The following ADAMTS12 variants were observed in gnomAD, a reference collection of about 807,000 sequenced individuals.
ADAMTS12 encodes ADAM metallopeptidase with thrombospondin type 1 motif 12, also known as A disintegrin and metalloproteinase with thrombospondin motifs 12.
ADAMTS12 carries 118 observed loss-of-function variants against 167.8 expected under a neutral mutation model. The ratio of observed to expected loss-of-function variants is 0.70; its 90% CI spans 0.61 to 0.82. ADAMTS12 has a LOEUF of 0.82. Ranked by LOEUF, ADAMTS12 falls within the 40% of genes least tolerant of loss-of-function variation. The probability of loss-of-function intolerance (pLI) is 0.00; values close to 1 mark genes in which losing one functional copy is unlikely to be tolerated. For synonymous variants in ADAMTS12, 704 were observed against 716.9 expected, an observed-to-expected ratio of 0.98 and a Z score of 0.29; for missense variants, 1,916 against 1,998.8, an observed-to-expected ratio of 0.96 and a Z score of 0.79.
intron 2 of ADAMTS12, among the ~76,000 whole-genome samples, chr5:33,766,428 T>C (rs375546623): frequency 5.9e-5 from 9 of 152,276 alleles, no homozygotes; most frequent in East Asian, 5.8e-4. Context: ...TTAATTGTAA[T>C]GTGGTGGCCT....
intron 14 of ADAMTS12, among the ~76,000 whole-genome samples, chr5:33,619,414 A>G (rs989485906): frequency 1.3e-5 from 2 of 152,140 alleles, no homozygotes; most frequent in Non-Finnish European, 2.9e-5. Flanking sequence ...GCCCCACAAT[A>G]GGGCACTTTC....
chr5:33,704,978 G>GT (rs929426019), intron 3 of ADAMTS12, among the ~76,000 whole-genome samples: 4 of 151,458 alleles, frequency 2.6e-5, no homozygotes, highest in East Asian at 1.9e-4. Context: ...AATCTTGAGG[G>GT]TTTTTTTGTA....
intron 2 of ADAMTS12, among the ~76,000 whole-genome samples, chr5:33,824,748 C>A (rs565205334): frequency 2.0e-5 from 3 of 152,278 alleles, no homozygotes; most frequent in Admixed American, 6.5e-5. Context: ...CTTCCCATTT[C>A]CTCTTTCTGG....
At chr5:33,536,527 G>T (rs1205083051) in intron 22 of ADAMTS12, among the ~76,000 whole-genome samples, 1 of 152,150 alleles carries the variant, frequency 6.6e-6, no homozygotes, top group Non-Finnish European at 1.5e-5. Context: ...TGCCTATTTA[G>T]TGGAGTTTTG....
chr5:33,538,340 C>T (rs1208770651), intron 22 of ADAMTS12, among the ~76,000 whole-genome samples: 2 of 152,054 alleles, frequency 1.3e-5, no homozygotes, highest in African/African-American at 2.4e-5. Flanking sequence ...GGGGAAACTG[C>T]CCCCCATGAT....
At chr5:33,667,821 T>A (rs371720622) in intron 5 of ADAMTS12, among the ~76,000 whole-genome samples, 3 of 152,206 alleles carry the variant, frequency 2.0e-5, no homozygotes, top group South Asian at 4.1e-4. Context: ...TAAAAAGTCA[T>A]TCTGTATTAA....
At chr5:33,768,534 A>G (rs1370905843) in intron 2 of ADAMTS12, among the ~76,000 whole-genome samples, 1 of 152,152 alleles carries the variant, frequency 6.6e-6, no homozygotes, top group Non-Finnish European at 1.5e-5. Context: ...CACGTTTTTA[A>G]ATTTTAGATA....
At chr5:33,599,807 C>A (rs1266040604) in intron 16 of ADAMTS12, among the ~76,000 whole-genome samples, 3 of 152,142 alleles carry the variant, frequency 2.0e-5, no homozygotes, top group Non-Finnish European at 2.9e-5. Context: ...TAAAATCTTT[C>A]TTTGACATAG....
At chr5:33,840,086 G>C (rs1167551078) in intron 2 of ADAMTS12, 1 of 152,158 alleles carries the variant, frequency 6.6e-6, no homozygotes, top group East Asian at 1.9e-4. Context: ...ATCTCCACTT[G>C]CAGAAAGACA....
intron 2 of ADAMTS12, among the ~76,000 whole-genome samples, chr5:33,831,474 A>G (rs1200681322): frequency 1.3e-5 from 2 of 152,222 alleles, no homozygotes; most frequent in African/African-American, 2.4e-5. Flanking sequence ...TTCTGCACAA[A>G]TTAGCCCAAA....
intron 2 of ADAMTS12, among the ~76,000 whole-genome samples, chr5:33,822,270 A>G (rs1348519627): frequency 6.6e-6 from 1 of 152,172 alleles, no homozygotes; most frequent in East Asian, 1.9e-4. Flanking sequence ...AACACTGAGT[A>G]GAAAATTCAC....
At chr5:33,616,154 C>A in intron 14 of ADAMTS12, 82 bp from the exon 15 acceptor site, 1 of 1,532,924 alleles carries the variant, frequency 6.5e-7, no homozygotes. Flanking sequence ...ACTGTTAATC[C>A]TCTTTCCAGC....
intron 3 of ADAMTS12, among the ~76,000 whole-genome samples, chr5:33,704,310 G>C (rs1379629517): frequency 2.0e-5 from 3 of 152,098 alleles, no homozygotes; most frequent in African/African-American, 7.2e-5. Flanking sequence ...AATGAACATG[G>C]GAAAGCAGAT....
intron 3 of ADAMTS12, among the ~76,000 whole-genome samples, chr5:33,714,835 G>A (rs986856746): frequency 6.6e-6 from 1 of 151,970 alleles, no homozygotes; most frequent in African/African-American, 2.4e-5. Context: ...GTTGGTTAAT[G>A]GGTACAGACA....
intron 21 of ADAMTS12, 68 bp downstream of exon 21, chr5:33,549,139 G>A (rs1745124406): frequency 6.5e-7 from 1 of 1,547,690 alleles, no homozygotes; most frequent in South Asian, 1.2e-5. Context: ...CTACACTTAT[G>A]CAGTAACACA....
chr5:33,777,416 TGAA>T (rs1745953006), intron 2 of ADAMTS12, among the ~76,000 whole-genome samples: 1 of 152,070 alleles, frequency 6.6e-6, no homozygotes, highest in African/African-American at 2.4e-5. Flanking sequence ...ACTAACAGAA[TGAA>T]GGACAAAAAT....
At chr5:33,689,924 C>A (rs1174838407) in intron 3 of ADAMTS12, among the ~76,000 whole-genome samples, 1 of 152,210 alleles carries the variant, frequency 6.6e-6, no homozygotes, top group African/African-American at 2.4e-5. Flanking sequence ...TGGTGGGTGG[C>A]CCCAAAGGGG....
intron 2 of ADAMTS12, among the ~76,000 whole-genome samples, chr5:33,866,746 C>G (rs954236629): frequency 1.3e-5 from 2 of 151,266 alleles, no homozygotes; most frequent in South Asian, 4.2e-4. Flanking sequence ...AAAAAATCAG[C>G]AAGAAAAAAA....
At chr5:33,731,333 A>G (rs2028839) in intron 3 of ADAMTS12, among the ~76,000 whole-genome samples, 130,853 of 151,842 alleles carry the variant, frequency 0.86, 56,574 homozygotes, top group Non-Finnish European at 0.89. Flanking sequence ...TTACAGGTGT[A>G]AGCCACTGCA....
Sources: allele counts gnomAD v4.1 joint callset (sites outside exome capture counted in the v4.1 genomes callset), GRCh38; gene constraint gnomAD v4.1.1; transcripts MANE v1.5; gene names NCBI Gene and HGNC (gene_info 2026-07-23, HGNC 2026-07-21).